Variants in RGS20 observed in about 807,000 individuals in gnomAD.
The protein encoded by RGS20 is regulator of G protein signaling 20.
A neutral mutation model predicts 33.6 loss-of-function variants in RGS20; 30 were observed. The ratio of observed to expected loss-of-function variants is 0.89; its 90% CI spans 0.67 to 1.21. The LOEUF (loss-of-function observed/expected upper bound fraction) is 1.21, where lower values mean the gene tolerates loss of function less well. Ranked by LOEUF, RGS20 falls within the 50% of genes most tolerant of loss-of-function variation. The pLI is 0.00. For missense variants in RGS20, 472 were observed against 502.4 expected (o/e 0.94, Z 0.58); for synonymous variants, 208 against 197.9 (o/e 1.05, Z -0.43).
At chr8:53,868,292 C>T (rs529319785) in intron 1 of RGS20, among the ~76,000 whole-genome samples, 7 of 152,152 alleles carry the variant, frequency 4.6e-5, no homozygotes, top group Non-Finnish European at 7.3e-5. Context: ...CATAAATAGG[C>T]ATTGGGAGAA....
At chr8:53,881,808 C>T (rs1249693647) in intron 2 of RGS20, among the ~76,000 whole-genome samples, 1 of 152,172 alleles carries the variant, frequency 6.6e-6, no homozygotes, top group African/African-American at 2.4e-5. Context: ...CTGGAACAAA[C>T]CCGGGCACTT....
At chr8:53,903,118 G>A (rs374282530) in intron 2 of RGS20, among the ~76,000 whole-genome samples, 4 of 152,208 alleles carry the variant, frequency 2.6e-5, no homozygotes, top group East Asian at 3.8e-4. Flanking sequence ...AATAAAAATG[G>A]ACAGGTTAAT....
At chr8:53,893,585 T>A (rs1458075063) in intron 2 of RGS20, among the ~76,000 whole-genome samples, 2 of 152,222 alleles carry the variant, frequency 1.3e-5, no homozygotes, top group Non-Finnish European at 2.9e-5. Context: ...TTCTGAGGAC[T>A]GCTCTCCTTA....
intron 2 of RGS20, among the ~76,000 whole-genome samples, chr8:53,926,290 T>C (rs1813793094): frequency 6.6e-6 from 1 of 152,208 alleles, no homozygotes; most frequent in Admixed American, 6.5e-5. Context: ...TATATTATTG[T>C]CTAACTCTTT....
intron 2 of RGS20, among the ~76,000 whole-genome samples, chr8:53,906,908 TGA>T (rs1365160327): frequency 6.6e-6 from 1 of 152,124 alleles, no homozygotes; most frequent in Non-Finnish European, 1.5e-5. Context: ...GGCTTACAGC[TGA>T]GAGTTAGGAG....
At chr8:53,896,549 G>C (rs1246708225) in intron 2 of RGS20, among the ~76,000 whole-genome samples, 2 of 152,078 alleles carry the variant, frequency 1.3e-5, no homozygotes, top group Admixed American at 1.3e-4. Context: ...AGTTTTTGTA[G>C]GAAACAATCT....
chr8:53,958,559 A>T lies in RGS20; in HGVS notation c.*101A>T. The T allele has an allele frequency of 5.6e-6, 3 of 538,712 alleles. No individual in the cohort carries two copies. Among genetic ancestry groups the T allele is most frequent in the Non-Finnish European group, 8.7e-6 (3 of 346,020 alleles). The allele number at this position is 538,712 out of a possible 1,614,324, so 33.4% of individuals were successfully genotyped here. On this transcript the variant is annotated 3_prime_UTR_variant, in exon 6 of 6. Coordinates refer to ENST00000297313, the MANE Select transcript of RGS20 (RefSeq NM_170587.4). Reference sequence around the variant, plus strand: ...GGTTGTAGCATCTTCTGCTGGAGTAATACTCAGGCTATTCTAATAACAGAT... The same window carrying T: ...GGTTGTAGCATCTTCTGCTGGAGTATTACTCAGGCTATTCTAATAACAGAT...
chr8:53,862,868 G>T (rs78106944), intron 1 of RGS20, among the ~76,000 whole-genome samples: 3,911 of 152,220 alleles, frequency 0.026, 164 homozygotes, highest in African/African-American at 0.089. Flanking sequence ...GTTCTGCTTG[G>T]TTTATCCATC....
chr8:53,936,797 A>G (rs1314780930), intron 2 of RGS20, among the ~76,000 whole-genome samples: 2 of 152,220 alleles, frequency 1.3e-5, no homozygotes, highest in African/African-American at 2.4e-5. Flanking sequence ...GACAATCCCA[A>G]GCAAAAAGAA....
chr8:53,878,060 C>T (rs936059196), intron 1 of RGS20, among the ~76,000 whole-genome samples: 1 of 152,252 alleles, frequency 6.6e-6, no homozygotes, highest in African/African-American at 2.4e-5. Context: ...CACCCGCGCT[C>T]GCCTCCCGCG....
chr8:53,907,910 G>A (rs1384308455), intron 2 of RGS20, among the ~76,000 whole-genome samples: 1 of 152,164 alleles, frequency 6.6e-6, no homozygotes, highest in African/African-American at 2.4e-5. Context: ...TCAGAGGTAG[G>A]AGGTACGGTC....
At chr8:53,936,732 A>G (rs1258445371) in intron 2 of RGS20, among the ~76,000 whole-genome samples, 1 of 151,296 alleles carries the variant, frequency 6.6e-6, no homozygotes, top group Non-Finnish European at 1.5e-5. Flanking sequence ...CTTTCTTCAC[A>G]GGAAAAAACT....
chr8:53,946,823 T>TG, intron 4 of RGS20, 75 bp downstream of exon 3: 1 of 1,262,114 alleles, frequency 7.9e-7, no homozygotes, highest in Non-Finnish European at 1.1e-6. Flanking sequence ...GCCTTGTATG[T>TG]TTCAACAGAA....
chr8:53,861,370 G>A (rs532124300), intron 1 of RGS20, among the ~76,000 whole-genome samples: 6 of 152,196 alleles, frequency 3.9e-5, no homozygotes, highest in African/African-American at 9.6e-5. Context: ...GTGGGTCATC[G>A]GATAAACACC....
chr8:53,927,208 T>G (rs1813826447), intron 2 of RGS20, among the ~76,000 whole-genome samples: 1 of 150,546 alleles, frequency 6.6e-6, no homozygotes, highest in South Asian at 2.1e-4. Flanking sequence ...GGCGTTTTTT[T>G]TTTTTTTTTT....
Position 53,851,929 on chromosome 8 carries a change from G to T in RGS20, c.30G>T (p.Glu10Asp), listed in dbSNP as rs377121672. Reference sequence around the variant, plus strand: ...CCCAGCTTTCCCAAGATAACCAAGAGTGCCTCCAGAAACATTTCTCCAGGC... The same window carrying T: ...CCCAGCTTTCCCAAGATAACCAAGATTGCCTCCAGAAACATTTCTCCAGGC... Residue 10 changes from glutamate (E) to aspartate (D), a missense_variant, in exon 1 of 6, where the codon GAG becomes GAT. Transcript: ENST00000297313. The T allele has an allele frequency of 6.2e-7, 1 of 1,613,900 alleles. No homozygotes were observed. The highest frequency in any genetic ancestry group is 1.3e-5 in the African/African-American group (1 of 74,886).
rs770248578 is a variant in RGS20, at chr8:53,946,710, C to T, written c.705C>T (p.Ser235=). 1.2e-6 allele frequency: 2 copies of T among 1,613,144 alleles called. No individual in the cohort carries two copies. The highest frequency in any genetic ancestry group is 3.3e-5 in the Admixed American group (2 of 59,876). ...AAGATCAGAGGCCCACAATAGCTTC[C>T]CACGAACTCAGAGCAGATCTTCCAA... Residue 235 remains serine (S), a synonymous_variant, in exon 4 of 6, where the codon TCC becomes TCT. Transcript: ENST00000297313.
intron 2 of RGS20, among the ~76,000 whole-genome samples, chr8:53,921,446 T>C (rs982965213): frequency 1.3e-5 from 2 of 151,500 alleles, no homozygotes; most frequent in African/African-American, 2.4e-5. Flanking sequence ...GCTTTTCTTT[T>C]TTTTTTTTTT....
At chr8:53,902,425 G>A (rs546185614) in intron 2 of RGS20, among the ~76,000 whole-genome samples, 1 of 152,344 alleles carries the variant, frequency 6.6e-6, no homozygotes, top group Admixed American at 6.5e-5. Context: ...GGGTCAGAGG[G>A]TGTGTATGGG....
Sources: gnomAD v4.1 joint callset for allele counts (sites outside exome capture counted in the v4.1 genomes callset) on GRCh38, gnomAD v4.1.1 for gene constraint, MANE v1.5 for transcripts, NCBI Gene and HGNC (gene_info 2026-07-23, HGNC 2026-07-21) for gene names.